The following CELF2 variants were observed in gnomAD, a reference collection of about 807,000 sequenced individuals.
CELF2 encodes CUG triplet repeat RNA-binding protein 2.
In CELF2, 8 loss-of-function variants were observed where a neutral mutation model predicts 62.6. The ratio of observed to expected loss-of-function variants is 0.13; its 90% CI spans 0.07 to 0.23. The LOEUF (loss-of-function observed/expected upper bound fraction) is 0.23. Ranked by LOEUF, CELF2 falls within the 10% of genes least tolerant of loss-of-function variation. CELF2 has a pLI of 1.00. For synonymous variants in CELF2, 258 were observed against 250.0 expected (o/e 1.03, Z -0.30); for missense variants, 333 against 671.0 (o/e 0.50, Z 5.56).
At chr10:10,960,237 C>G (rs936787805) in intron 2 of CELF2, 4 of 152,228 alleles carry the variant, frequency 2.6e-5, no homozygotes, top group African/African-American at 9.6e-5. Flanking sequence ...TGCTTCTCTC[C>G]TCATTGCAAC....
At position 11,046,413 on chromosome 10, in the gene CELF2, A is replaced by G. The variant is rs1158034220; in HGVS notation, c.74+28250A>G. On this transcript the variant is annotated intron_variant, in intron 1 of 12. Transcript: ENST00000633077. The surrounding 1 kb of genome is among the most constrained non-coding windows in gnomAD (Gnocchi z 4.6). ...TTGGGCACAGAGTATGCCCTCAATAAGTACTTGTTGGTTCACTGCCTCTGA... is the reference window on the plus strand; with the variant it reads ...TTGGGCACAGAGTATGCCCTCAATAGGTACTTGTTGGTTCACTGCCTCTGA... Among the ~76,000 whole-genome samples, 2 of 152,214 alleles carry G rather than the reference A, an allele frequency of 1.3e-5. No homozygotes were observed. The highest frequency in any genetic ancestry group is 2.1e-4 in the South Asian group (1 of 4,830).
chr10:11,115,240 G>A (rs2056290309), intron 1 of CELF2, among the ~76,000 whole-genome samples: 3 of 152,224 alleles, frequency 2.0e-5, no homozygotes, highest in African/African-American at 7.2e-5. Flanking sequence ...TGATTCAAAT[G>A]TAGTCATAAG....
At chr10:10,949,123 G>T (rs1300319445) in intron 2 of CELF2, among the ~76,000 whole-genome samples, 1 of 152,146 alleles carries the variant, frequency 6.6e-6, no homozygotes. Flanking sequence ...GAAGATATTT[G>T]CATGTGAAGT....
chr10:11,043,566 C>T (rs574502164), intron 1 of CELF2, among the ~76,000 whole-genome samples: 4 of 152,218 alleles, frequency 2.6e-5, no homozygotes, highest in South Asian at 2.1e-4. Context: ...CTTCCGTGTC[C>T]TGAATCAAGC....
At chr10:10,849,810 T>C (rs1441655234) in intron 1 of CELF2, among the ~76,000 whole-genome samples, 1 of 151,812 alleles carries the variant, frequency 6.6e-6, no homozygotes, top group Non-Finnish European at 1.5e-5. Flanking sequence ...GATAAAAATT[T>C]ATCCAGTTAG....
intron 1 of CELF2, among the ~76,000 whole-genome samples, chr10:10,881,362 A>G (rs919365284): frequency 1.3e-5 from 2 of 152,182 alleles, no homozygotes; most frequent in Admixed American, 6.5e-5. Flanking sequence ...GTAACTACCT[A>G]TTTCCTTCAG....
At chr10:10,611,435 C>T in the CELF2 span, among the ~76,000 whole-genome samples, 1 of 152,168 alleles carries the variant, frequency 6.6e-6, no homozygotes, top group Non-Finnish European at 1.5e-5. Flanking sequence ...CTTGGCAAAG[C>T]ACTTGAAAAT....
the CELF2 span, among the ~76,000 whole-genome samples, chr10:10,471,984 C>T: frequency 6.6e-6 from 1 of 151,782 alleles, no homozygotes; most frequent in African/African-American, 2.4e-5. Context: ...GCCTTCTTCT[C>T]CTGTAATTAA....
chr10:10,539,869 A>G, the CELF2 span, among the ~76,000 whole-genome samples: 3 of 152,244 alleles, frequency 2.0e-5, no homozygotes, highest in African/African-American at 7.2e-5. Context: ...AAGTAAGACG[A>G]TAAGCCAGGT....
the CELF2 span, among the ~76,000 whole-genome samples, chr10:10,706,627 G>A: frequency 2.1e-4 from 32 of 152,098 alleles, no homozygotes; most frequent in Non-Finnish European, 2.2e-4. Flanking sequence ...CCTGTAAAAC[G>A]GACAGCAAGG....
At chr10:11,161,167 G>A (rs765129161) in intron 1 of CELF2, among the ~76,000 whole-genome samples, 4 of 152,288 alleles carry the variant, frequency 2.6e-5, no homozygotes, top group Non-Finnish European at 4.4e-5. Context: ...AGCACTCATC[G>A]TTTTTCCGAA....
chr10:10,747,362 GTTTT>G, the CELF2 span, among the ~76,000 whole-genome samples: 2 of 152,170 alleles, frequency 1.3e-5, no homozygotes, highest in Non-Finnish European at 2.9e-5. Flanking sequence ...CTTTCTTGGA[GTTTT>G]CAGTCTAGTG....
At chr10:11,173,281 G>C (rs1156342499) in intron 2 of CELF2, among the ~76,000 whole-genome samples, 1 of 152,148 alleles carries the variant, frequency 6.6e-6, no homozygotes, top group East Asian at 1.9e-4. Flanking sequence ...GGGTGACGCT[G>C]TTAGTTACTC....
chr10:11,124,043 A>T (rs1468234587), intron 1 of CELF2, among the ~76,000 whole-genome samples: 2 of 152,146 alleles, frequency 1.3e-5, no homozygotes, highest in Non-Finnish European at 2.9e-5. Context: ...CAGGCAGGAG[A>T]GCTTGTGCAG....
chr10:11,079,357 A>G (rs1221049759), intron 1 of CELF2, among the ~76,000 whole-genome samples: 1 of 152,214 alleles, frequency 6.6e-6, no homozygotes, highest in African/African-American at 2.4e-5. Flanking sequence ...TGTCACCTCA[A>G]CAAAAACGTG....
Position 11,224,125 on chromosome 10 carries a change from G to A in CELF2, c.354+6618G>A, listed in dbSNP as rs1422294169. Among the ~76,000 whole-genome samples, 1 of 152,208 alleles carries A rather than the reference G, an allele frequency of 6.6e-6. No homozygotes were observed. Among genetic ancestry groups the A allele is most frequent in the Non-Finnish European group, 1.5e-5 (1 of 68,030 alleles). Reference sequence around the variant, plus strand: ...TCTTCAGTGGTGCAAAGTTGAAAATGCCAGCACAGGATTACAGTAGGGAAT... The same window carrying A: ...TCTTCAGTGGTGCAAAGTTGAAAATACCAGCACAGGATTACAGTAGGGAAT... On this transcript the variant is annotated intron_variant, in intron 3 of 12. Coordinates refer to ENST00000633077, the MANE Select transcript of CELF2 (RefSeq NM_001326342.2). This position sits in a 1 kb window ranked among gnomAD's most constrained non-coding sequence, Gnocchi z 4.5.
chr10:11,281,924 A>G (rs1237896463), intron 8 of CELF2, among the ~76,000 whole-genome samples: 2 of 152,216 alleles, frequency 1.3e-5, no homozygotes, highest in South Asian at 2.1e-4. Flanking sequence ...ACTGGCCCCA[A>G]TGTTCTTGGA....
At chr10:10,801,990 C>T (rs1366054451) in intron 1 of CELF2, among the ~76,000 whole-genome samples, 1 of 152,094 alleles carries the variant, frequency 6.6e-6, no homozygotes, top group African/African-American at 2.4e-5. Flanking sequence ...TGACTGTCTA[C>T]CCCAAGGGAC....
chr10:11,077,696 G>A (rs1274183378), intron 1 of CELF2, among the ~76,000 whole-genome samples: 1 of 152,144 alleles, frequency 6.6e-6, no homozygotes, highest in Non-Finnish European at 1.5e-5. Context: ...TCATTGCCCT[G>A]TAAGTGAGAT....
Sources: allele counts gnomAD v4.1 joint callset (sites outside exome capture counted in the v4.1 genomes callset), GRCh38; gene constraint gnomAD v4.1.1; non-coding constraint Gnocchi (gnomAD v3.1); transcripts MANE v1.5; gene names NCBI Gene and HGNC (gene_info 2026-07-23, HGNC 2026-07-21).